The following RCOR2 variants were observed in gnomAD, a reference collection of about 807,000 sequenced individuals.
RCOR2 encodes REST corepressor 2.
A neutral mutation model predicts 58.9 loss-of-function variants in RCOR2; 19 were observed. That is an observed-to-expected ratio of 0.32 (90% confidence interval 0.23 to 0.47). RCOR2 has a LOEUF of 0.47. Among genes scored for constraint, RCOR2 ranks in the 20% least tolerant of loss-of-function variants. The pLI is 1.00. For synonymous variants in RCOR2, 286 were observed against 278.7 expected (o/e 1.03, Z -0.26); for missense variants, 590 against 707.9 (o/e 0.83, Z 1.89).
In RCOR2 at chr11:63,914,344, G is replaced by T; in HGVS notation, c.606-14C>A. 1 of 1,613,454 alleles carries T rather than the reference G, an allele frequency of 6.2e-7. No homozygotes were observed. On this transcript the variant is annotated splice_polypyrimidine_tract_variant and intron_variant, in intron 6 of 11. Transcript: ENST00000301459. ...TCGAGCTCATCACTGCTGACACAGG[G>T]GCCAGGGAGGGAATGAGGCAGCTGC...
At chr11:63,918,617 TGA>T (rs1205050034), upstream of RCOR2, among the ~76,000 whole-genome samples, 3 of 152,274 alleles carry the variant, frequency 2.0e-5, no homozygotes, top group Non-Finnish European at 4.4e-5. Flanking sequence ...GATTCAAGAC[TGA>T]GAGTCTTCCC....
intron 10 of RCOR2, 64 bp downstream of exon 10, chr11:63,912,612 C>A (rs530175908): frequency 1.5e-5 from 24 of 1,597,846 alleles, no homozygotes; most frequent in South Asian, 8.8e-5. Flanking sequence ...TCTGCCCCCC[C>A]ACTCCTTGGA....
chr11:63,912,598 C>A (rs1159909558), intron 10 of RCOR2, 64 bp from the exon 11 acceptor site: 2 of 1,589,414 alleles, frequency 1.3e-6, no homozygotes, highest in East Asian at 4.5e-5. Flanking sequence ...CCTGACCCTT[C>A]CCCTCTGCCC....
At chr11:63,913,869 GC>G in intron 8 of RCOR2, 84 bp downstream of exon 8, 1 of 1,268,452 alleles carries the variant, frequency 7.9e-7, no homozygotes, top group Non-Finnish European at 1.2e-6. Flanking sequence ...GAACCATCTC[GC>G]TTACACCTCA....
At chr11:63,912,269 C>G (rs933860399) in intron 11 of RCOR2, 36 bp downstream of exon 11, 5 of 1,601,278 alleles carry the variant, frequency 3.1e-6, no homozygotes. Flanking sequence ...CGCCTCGCCT[C>G]TCCTCTCTGA....
At chr11:63,921,562 G>A (rs888567003), upstream of RCOR2, among the ~76,000 whole-genome samples, 1 of 152,188 alleles carries the variant, frequency 6.6e-6, no homozygotes. Context: ...TGCTAGCTAC[G>A]TGGCCTTAGG....
chr11:63,920,341 C>T (rs1179775042), upstream of RCOR2, among the ~76,000 whole-genome samples: 1 of 152,232 alleles, frequency 6.6e-6, no homozygotes, highest in Non-Finnish European at 1.5e-5. Flanking sequence ...AGGAGGGTGA[C>T]CTTGGGCAAG....
Position 63,914,814 on chromosome 11 carries a change from C to T in RCOR2, c.321G>A (p.Ala107=), listed in dbSNP as rs775970103. The T allele has an allele frequency of 6.2e-6, 10 of 1,605,786 alleles. No homozygotes were observed. Among genetic ancestry groups the T allele is most frequent in the Non-Finnish European group, 6.8e-6 (8 of 1,175,696 alleles). Residue 107 remains alanine (A), a splice_region_variant and synonymous_variant, in exon 5 of 12, where the codon GCG becomes GCA. Coordinates refer to ENST00000301459, the MANE Select transcript of RCOR2 (RefSeq NM_173587.4). Reference sequence around the variant, plus strand: ...GCTTATGCCACAGAAGCATGCCCAGCGCCTGGCCCGGGGCAAGGGGCAGCT... The same window carrying T: ...GCTTATGCCACAGAAGCATGCCCAGTGCCTGGCCCGGGGCAAGGGGCAGCT... The part of the protein sequence containing the change: ...KEKHGYNIEQ[A]LGMLLWHKHD...
In RCOR2 at chr11:63,912,015, G is replaced by T; in HGVS notation, c.1422C>A (p.Arg474=). 1 of 1,457,480 alleles carries T rather than the reference G, an allele frequency of 6.9e-7. No homozygotes were observed. The highest frequency in any genetic ancestry group is 9.0e-7 in the Non-Finnish European group (1 of 1,109,288). The allele number at this position is 1,457,480 out of a possible 1,614,324, so 90.3% of individuals were successfully genotyped here. A position where few individuals can be genotyped will look rare whatever the true frequency, so the allele number is the denominator to read the frequency against. Residue 474 remains arginine (R), a synonymous_variant, in exon 12 of 12, where the codon CGC becomes CGA. Transcript: ENST00000301459. ...LRQPPPLQQG[R]FLQPRLAPNQ... is the part of the protein sequence containing the mutation. ...TGGGGGCCAGCCGGGGCTGGAGGAA[G>T]CGGCCCTGCTGCAGTGGGGGTGGCT...
At position 63,913,180 on chromosome 11, in the gene RCOR2, A is replaced by ATTTT. The variant is rs1161435029; in HGVS notation, c.892-234_892-233insAAAA. On this transcript the variant is annotated intron_variant, in intron 8 of 11. Transcript: ENST00000301459. ...TTATTTTTTATATATATATATATATATATATTTTTTTTTTTTTTTTTTTGA... is the reference window on the plus strand; with the variant it reads ...TTATTTTTTATATATATATATATATATTTTTATATTTTTTTTTTTTTTTTTTTGA... Among the ~76,000 whole-genome samples the ATTTT allele has an allele frequency of 7.7e-5, 8 of 104,288 alleles. No homozygotes were observed. In the East Asian group the frequency reaches 9.0e-4, roughly 12 times the overall value. 68.4% of individuals were successfully genotyped at this position (104,288 alleles called of 152,430 possible).
intron 1 of RCOR2, 108 bp downstream of exon 1, chr11:63,916,213 CCAGGAGAGG>C: frequency 1.0e-6 from 1 of 963,560 alleles, no homozygotes; most frequent in Admixed American, 2.6e-5. Flanking sequence ...AGGCTCCAAT[CCAGGAGAGG>C]CAGGAGCCAT....
chr11:63,915,039 C>T lies in RCOR2; in HGVS notation c.266-85G>A, dbSNP rs190327227. The T allele has an allele frequency of 5.0e-4, 780 of 1,571,162 alleles. 5 individuals are homozygous for T. In the African/African-American group the frequency reaches 9.8e-3, roughly 20 times the overall value. ...TGTCCAGAAAGGGACCACCCCACAA[C>T]GGCCAGGTCCCTGAACACGAGCCCC... On this transcript the variant is annotated intron_variant, in intron 3 of 11. Coordinates refer to ENST00000301459, the MANE Select transcript of RCOR2 (RefSeq NM_173587.4).
In RCOR2 at chr11:63,915,577, G is replaced by A. The variant is rs747736890; in HGVS notation, c.162C>T (p.Ala54=). Residue 54 remains alanine, a synonymous_variant, in exon 2 of 12, where the codon GCC becomes GCT. Coordinates refer to ENST00000301459, the MANE Select transcript of RCOR2 (RefSeq NM_173587.4). The part of the protein sequence containing the change: ...SMIRVGTNYQ[A]VIPECKPESP... ...CACCAGGCTTGCACTCCGGAATTAC[G>A]GCCTGGTAATTGGTTCCAACGCGGA... 3.8e-6 allele frequency: 6 copies of A among 1,561,768 alleles called. No homozygotes were observed. Among genetic ancestry groups the A allele is most frequent in the East Asian group, 2.3e-5 (1 of 42,870 alleles).
chr11:63,912,084 CG>C lies in RCOR2; in HGVS notation c.1352del (p.Pro451ArgfsTer3). 1 of 954,510 alleles carries C rather than the reference CG, an allele frequency of 1.0e-6. No homozygotes were observed. The highest frequency in any genetic ancestry group is 1.3e-6 in the Non-Finnish European group (1 of 798,360). 59.1% of individuals were successfully genotyped at this position (954,510 alleles called of 1,614,324 possible). On this transcript the variant is annotated frameshift_variant, in exon 12 of 12. Coordinates refer to ENST00000301459, the MANE Select transcript of RCOR2 (RefSeq NM_173587.4). LOFTEE classifies it high-confidence loss of function. ...CCGTGGGCAAAGGTGGCCTCAGCAG[CG>C]GGGGTGGCTGGGACAGCGAGGTGGG... The part of the protein sequence containing the change: ...PPPTSLSQPP[P>X]LLRPPLPTAP...
At chr11:63,916,267 C>G (rs1453437377) in intron 1 of RCOR2, 63 bp downstream of exon 1, 2 of 1,412,676 alleles carry the variant, frequency 1.4e-6, no homozygotes, top group Non-Finnish European at 9.7e-7. Context: ...AACTCTTCCC[C>G]CTCCCGCCCC....
chr11:63,913,374 G>A (rs536684989), intron 8 of RCOR2, among the ~76,000 whole-genome samples: 134 of 150,414 alleles, frequency 8.9e-4, no homozygotes, highest in African/African-American at 3.2e-3. Context: ...TTTTTTAGTA[G>A]AGACAGGGTT....
the RCOR2 span, among the ~76,000 whole-genome samples, chr11:63,927,031 C>G: frequency 1.3e-5 from 2 of 151,246 alleles, no homozygotes; most frequent in Non-Finnish European, 2.9e-5. Context: ...CACCATGGGT[C>G]TTGTACTGCT....
At chr11:63,912,577 C>A (rs1470021408) in intron 10 of RCOR2, 43 bp from the exon 11 acceptor site, 2 of 1,589,172 alleles carry the variant, frequency 1.3e-6, no homozygotes, top group Admixed American at 1.7e-5. Context: ...CCCCTTCGAA[C>A]TAGTTACTTC....
chr11:63,925,800 C>CAAA, the RCOR2 span, among the ~76,000 whole-genome samples: 42 of 134,344 alleles, frequency 3.1e-4, no homozygotes, highest in Middle Eastern at 3.7e-3. Flanking sequence ...GACCCTGTCT[C>CAAA]AAAAAAAAAA....
Sources: gnomAD v4.1 joint callset for allele counts (sites outside exome capture counted in the v4.1 genomes callset) on GRCh38, gnomAD v4.1.1 for gene constraint, MANE v1.5 for transcripts, NCBI Gene and HGNC (gene_info 2026-07-23, HGNC 2026-07-21) for gene names.